LONP2: variants seen among roughly 807,000 people sequenced by gnomAD.
The protein encoded by LONP2 is lon protease homolog 2, peroxisomal.
Under a neutral mutation model 85.6 loss-of-function variants are expected in LONP2, and 60 were observed. That is an observed-to-expected ratio of 0.70 (90% CI 0.57 to 0.87). The LOEUF is 0.87. LONP2 is among the 40% of genes least tolerant of loss of function. LONP2 has a pLI of 0.00. For synonymous variants in LONP2, 395 were observed against 389.7 expected, an observed-to-expected ratio of 1.01 and a Z score of -0.16; for missense variants, 860 against 1,063.5, an observed-to-expected ratio of 0.81 and a Z score of 2.66.
chr16:48,347,762 C>G (rs1459239492), intron 13 of LONP2, 48 bp downstream of exon 13: 3 of 1,546,704 alleles, frequency 1.9e-6, no homozygotes, highest in Non-Finnish European at 2.6e-6. Context: ...GAGGCGGTAC[C>G]TTCCATGGCG....
chr16:48,288,873 A>G (rs777284046), intron 8 of LONP2, among the ~76,000 whole-genome samples: 1 of 152,206 alleles, frequency 6.6e-6, no homozygotes, highest in African/African-American at 2.4e-5. Flanking sequence ...AACAAAGGAC[A>G]TATATAATAG....
rs141166053 is a variant in LONP2 at position 48,274,609 on chromosome 16, T to C, written c.1242-2729T>C. 4.3e-3 allele frequency among the ~76,000 whole-genome samples: 654 copies of C among 151,974 alleles called. 3 individuals are homozygous for C. The highest frequency in any genetic ancestry group is 0.015 in the African/African-American group (619 of 41,438). On this transcript the variant is annotated intron_variant, in intron 7 of 14. Transcript: ENST00000285737. ...TTTCTTTTTGAGATCATTAGGATCTTTTTTAAACTGATTCCTTTTTCCAGT... is the reference window on the plus strand; with the variant it reads ...TTTCTTTTTGAGATCATTAGGATCTCTTTTAAACTGATTCCTTTTTCCAGT...
intron 10 of LONP2, among the ~76,000 whole-genome samples, chr16:48,300,497 A>T (rs1056846082): frequency 6.6e-5 from 10 of 152,266 alleles, no homozygotes; most frequent in Non-Finnish European, 1.3e-4. Context: ...AGTATTACAG[A>T]TCCATTGCAT....
intron 8 of LONP2, among the ~76,000 whole-genome samples, chr16:48,292,752 C>CT (rs986097118): frequency 6.6e-6 from 1 of 152,218 alleles, no homozygotes; most frequent in African/African-American, 2.4e-5. Context: ...TCTGTACACT[C>CT]TTTGTTTTCT....
chr16:48,280,430 T>C (rs1972302192), intron 8 of LONP2, among the ~76,000 whole-genome samples: 1 of 152,226 alleles, frequency 6.6e-6, no homozygotes, highest in African/African-American at 2.4e-5. Flanking sequence ...ATAAACAATA[T>C]GTTTTAGGTC....
intron 1 of LONP2, among the ~76,000 whole-genome samples, chr16:48,249,504 A>G (rs1315163833): frequency 2.0e-5 from 3 of 152,176 alleles, no homozygotes; most frequent in Admixed American, 6.5e-5. Context: ...CTTTTTCACT[A>G]TGCTTTTCAC....
intron 2 of LONP2, among the ~76,000 whole-genome samples, chr16:48,254,847 T>A (rs934546731): frequency 6.6e-6 from 1 of 152,234 alleles, no homozygotes; most frequent in Admixed American, 6.5e-5. Context: ...GTCTGGCAAA[T>A]AGTTTGTACT....
intron 11 of LONP2, among the ~76,000 whole-genome samples, chr16:48,303,923 C>G (rs1444231708): frequency 6.6e-6 from 1 of 152,226 alleles, no homozygotes; most frequent in Non-Finnish European, 1.5e-5. Context: ...TCTAGCCATG[C>G]TGGAAGCTGA....
intron 11 of LONP2, among the ~76,000 whole-genome samples, chr16:48,328,461 C>T (rs879611612): frequency 2.4e-4 from 36 of 151,656 alleles, no homozygotes; most frequent in Non-Finnish European, 3.7e-4. Context: ...GGGTGGATCA[C>T]GATATCAGGA....
chr16:48,288,907 G>A (rs569323747), intron 8 of LONP2, among the ~76,000 whole-genome samples: 2 of 152,242 alleles, frequency 1.3e-5, no homozygotes, highest in Admixed American at 6.5e-5. Flanking sequence ...ATGTACCAGT[G>A]TGCCCATATC....
At chr16:48,304,258 C>G (rs1357641457) in intron 11 of LONP2, among the ~76,000 whole-genome samples, 1 of 152,190 alleles carries the variant, frequency 6.6e-6, no homozygotes, top group East Asian at 1.9e-4. Context: ...CCTTTGTACT[C>G]TGGAATAGCT....
At chr16:48,315,963 A>ATTTT (rs201723319) in intron 11 of LONP2, among the ~76,000 whole-genome samples, 71 of 107,598 alleles carry the variant, frequency 6.6e-4, no homozygotes, top group African/African-American at 2.4e-3. Flanking sequence ...CCATATTGTA[A>ATTTT]TTTTTTTTTT....
Position 48,355,617 on chromosome 16 carries a change from A to T in LONP2, c.*3815A>T, listed in dbSNP as rs1042089054. ...TTCCACCGCAGCTGCACCATTTGAC[A>T]TTCCTTCCAGCAATGCACAAATGTT... On this transcript the variant is annotated 3_prime_UTR_variant, in exon 15 of 15. Transcript: ENST00000285737. 1 of 152,208 alleles carries T rather than the reference A, an allele frequency of 6.6e-6. No individual in the cohort carries two copies. Among genetic ancestry groups the T allele is most frequent in the African/African-American group, 2.4e-5 (1 of 41,436 alleles). 9.4% of individuals were successfully genotyped at this position (152,208 alleles called of 1,614,324 possible).
intron 3 of LONP2, 22 bp downstream of exon 3, chr16:48,256,763 G>A (rs766487652): frequency 6.2e-7 from 1 of 1,606,882 alleles, no homozygotes. Context: ...CCTTTTGAAC[G>A]CCAGGTTGCT....
chr16:48,290,969 C>G (rs1779553162), intron 8 of LONP2, among the ~76,000 whole-genome samples: 1 of 152,168 alleles, frequency 6.6e-6, no homozygotes, highest in Non-Finnish European at 1.5e-5. Flanking sequence ...CACTAACATA[C>G]AAAATGATAC....
chr16:48,263,933 G>A (rs1439562302), intron 6 of LONP2, among the ~76,000 whole-genome samples: 1 of 152,114 alleles, frequency 6.6e-6, no homozygotes, highest in Non-Finnish European at 1.5e-5. Context: ...GACATCACAC[G>A]TTGGTAGGAT....
rs139198136 is a variant in LONP2, at chr16:48,294,504, G to A, written c.1384-1511G>A. ...CTTGGGGCTGGGCGTGGTAGCGCAC[G>A]TCTGTAATCCCTGCACTTTGGGAGG... On this transcript the variant is annotated intron_variant, in intron 8 of 14. Coordinates refer to ENST00000285737, the MANE Select transcript of LONP2 (RefSeq NM_031490.5). Among the ~76,000 whole-genome samples, 73 of 152,282 alleles carry A rather than the reference G, an allele frequency of 4.8e-4. No individual in the cohort carries two copies. The Middle Eastern group carries it at 0.01, about 21-fold the overall frequency.
chr16:48,247,453 C>A (rs4785243), intron 1 of LONP2: 1 of 48,926 alleles, frequency 2.0e-5, no homozygotes, highest in African/African-American at 8.0e-5. Context: ...CTTTGCCACA[C>A]AGAGTGGCAG....
chr16:48,262,592 A>G (rs1313023422), intron 5 of LONP2, among the ~76,000 whole-genome samples, 186 bp from the exon 6 acceptor site: 3 of 152,226 alleles, frequency 2.0e-5, no homozygotes, highest in East Asian at 3.8e-4. Context: ...GGAGAGAGAT[A>G]GGAGTGGTGA....
Sources: gnomAD v4.1 joint callset for allele counts (sites outside exome capture counted in the v4.1 genomes callset) on GRCh38, gnomAD v4.1.1 for gene constraint, MANE v1.5 for transcripts, NCBI Gene and HGNC (gene_info 2026-07-23, HGNC 2026-07-21) for gene names.